Variants in CLDN10 observed in about 807,000 individuals in gnomAD.
CLDN10 encodes the protein claudin-10.
CLDN10 carries 15 observed loss-of-function variants against 22.9 expected under a neutral mutation model. The ratio of observed to expected loss-of-function variants is 0.65; its 90% CI spans 0.44 to 1.01. The LOEUF is 1.01. Ranked by LOEUF, CLDN10 falls within the 50% of genes least tolerant of loss-of-function variation. The pLI is 0.00. For synonymous variants in CLDN10, 114 were observed against 111.4 expected (o/e 1.02, Z -0.15); for missense variants, 247 against 287.8 (o/e 0.86, Z 1.03).
At chr13:95,510,136 A>G (rs1375142706) in intron 1 of CLDN10, among the ~76,000 whole-genome samples, 1 of 152,234 alleles carries the variant, frequency 6.6e-6, no homozygotes, top group African/African-American at 2.4e-5. Context: ...GAGATGAGTC[A>G]CATTTAATGT....
intron 1 of CLDN10, among the ~76,000 whole-genome samples, chr13:95,503,785 T>G (rs1425412177): frequency 6.6e-6 from 1 of 152,088 alleles, no homozygotes; most frequent in African/African-American, 2.4e-5. Context: ...AGGCACTTAG[T>G]CAAAATTATA....
At chr13:95,515,290 C>G (rs984528364) in intron 1 of CLDN10, among the ~76,000 whole-genome samples, 1 of 152,166 alleles carries the variant, frequency 6.6e-6, no homozygotes, top group Non-Finnish European at 1.5e-5. Context: ...CCTCCACTTC[C>G]TGGGTTCAAG....
At chr13:95,563,240 T>C (rs545178940) in intron 3 of CLDN10, among the ~76,000 whole-genome samples, 36 of 151,740 alleles carry the variant, frequency 2.4e-4, no homozygotes, top group African/African-American at 8.3e-4. Context: ...GAGAGATAGA[T>C]GTGATTGGCA....
intron 1 of CLDN10, among the ~76,000 whole-genome samples, chr13:95,524,850 T>C (rs1487038801): frequency 6.8e-6 from 1 of 147,260 alleles, no homozygotes; most frequent in East Asian, 1.9e-4. Context: ...TTTTTTATTT[T>C]ATTTATTTAT....
At chr13:95,496,717 C>G (rs376310359) in intron 1 of CLDN10, among the ~76,000 whole-genome samples, 7 of 152,232 alleles carry the variant, frequency 4.6e-5, no homozygotes, top group African/African-American at 1.7e-4. Context: ...AATCCCACCA[C>G]GGGGGCCCCA....
At chr13:95,465,380 T>C (rs951916732) in intron 1 of CLDN10, among the ~76,000 whole-genome samples, 1 of 152,214 alleles carries the variant, frequency 6.6e-6, no homozygotes, top group Non-Finnish European at 1.5e-5. Flanking sequence ...CATGCCCCGC[T>C]GATACTGTGT....
chr13:95,467,242 T>A (rs1004941972), intron 1 of CLDN10, among the ~76,000 whole-genome samples: 1 of 152,090 alleles, frequency 6.6e-6, no homozygotes, highest in South Asian at 2.1e-4. Context: ...TTCCAGATAC[T>A]GAAATTATTT....
In CLDN10 at chr13:95,517,762, C is replaced by T. The variant is rs1264843258; in HGVS notation, c.215-42370C>T. On this transcript the variant is annotated intron_variant, in intron 1 of 4. Coordinates refer to the CLDN10 transcript ENST00000376873. ...ACCAGCCTGGTCAACATGGTGAAACCCCATCTACTAAAAATGCAAAAATTA... is the reference window on the plus strand; with the variant it reads ...ACCAGCCTGGTCAACATGGTGAAACTCCATCTACTAAAAATGCAAAAATTA... Among the ~76,000 whole-genome samples, 13 of 151,896 alleles carry T rather than the reference C, an allele frequency of 8.6e-5. No homozygotes were observed. In the East Asian group the frequency reaches 2.5e-3, roughly 29 times the overall value.
At chr13:95,496,995 G>A (rs1206065524) in intron 1 of CLDN10, 1 of 152,096 alleles carries the variant, frequency 6.6e-6, no homozygotes, top group Non-Finnish European at 1.5e-5. Context: ...TGTGGGACTT[G>A]GGTAAGTTTC....
At chr13:95,525,330 C>T (rs537881447) in intron 1 of CLDN10, among the ~76,000 whole-genome samples, 4 of 152,206 alleles carry the variant, frequency 2.6e-5, no homozygotes, top group African/African-American at 9.6e-5. Context: ...TTGTCCATTA[C>T]TAAATTGGGT....
upstream of CLDN10, among the ~76,000 whole-genome samples, chr13:95,548,863 T>C (rs1477341238): frequency 1.3e-5 from 2 of 152,210 alleles, no homozygotes; most frequent in African/African-American, 2.4e-5. Flanking sequence ...AATCTGATGC[T>C]TAGAAAATCC....
intron 1 of CLDN10, among the ~76,000 whole-genome samples, chr13:95,535,449 A>C (rs2043390091): frequency 6.6e-6 from 1 of 151,000 alleles, no homozygotes; most frequent in Non-Finnish European, 1.5e-5. Context: ...GATGAGGAGT[A>C]CAGAGGGAAG....
chr13:95,553,803 G>A (rs1191566160), intron 1 of CLDN10, among the ~76,000 whole-genome samples: 2 of 152,140 alleles, frequency 1.3e-5, no homozygotes, highest in African/African-American at 4.8e-5. Context: ...AGCAGCTGGT[G>A]GATATTCACA....
intron 3 of CLDN10, among the ~76,000 whole-genome samples, chr13:95,575,016 A>ATT (rs2043906416): frequency 6.6e-6 from 1 of 152,048 alleles, no homozygotes; most frequent in South Asian, 2.1e-4. Context: ...TTCATCCCCC[A>ATT]ACTGGCCACT....
chr13:95,491,359 T>C (rs1380959531), intron 1 of CLDN10, among the ~76,000 whole-genome samples: 1 of 152,022 alleles, frequency 6.6e-6, no homozygotes, highest in East Asian at 1.9e-4. Context: ...TCATATTTTA[T>C]TATTCTTTTT....
At chr13:95,563,095 ACTCTCTCTCTCTCTCTCT>A (rs34473629) in intron 3 of CLDN10, among the ~76,000 whole-genome samples, 3 of 128,136 alleles carry the variant, frequency 2.3e-5, no homozygotes, top group South Asian at 2.7e-4. Context: ...CTGCCTACCC[ACTCTCTCTCTCTCTCTCT>A]CTCTCTCTCT....
chr13:95,487,833 C>A (rs1327469210), intron 1 of CLDN10, among the ~76,000 whole-genome samples: 2 of 151,964 alleles, frequency 1.3e-5, no homozygotes, highest in Non-Finnish European at 2.9e-5. Context: ...CACCACCATG[C>A]CTGGCTAATT....
At chr13:95,527,330 A>G (rs2043291774) in intron 1 of CLDN10, among the ~76,000 whole-genome samples, 1 of 152,204 alleles carries the variant, frequency 6.6e-6, no homozygotes, top group Admixed American at 6.5e-5. Context: ...AAATTCATTT[A>G]CTGTCTTTTT....
chr13:95,494,719 A>T (rs970545630), intron 1 of CLDN10, among the ~76,000 whole-genome samples: 5 of 152,190 alleles, frequency 3.3e-5, no homozygotes, highest in African/African-American at 1.2e-4. Flanking sequence ...TTGCTTTCCC[A>T]AACTTCCTCT....
Sources: allele counts gnomAD v4.1 joint callset (sites outside exome capture counted in the v4.1 genomes callset), GRCh38; gene constraint gnomAD v4.1.1; transcripts MANE v1.5; gene names NCBI Gene and HGNC (gene_info 2026-07-23, HGNC 2026-07-21).